Variants in TTC28 observed in about 807,000 individuals in gnomAD.
TTC28 encodes the protein tetratricopeptide repeat domain 28.
TTC28 carries 61 observed loss-of-function variants against 198.0 expected under a neutral mutation model. The ratio of observed to expected loss-of-function variants is 0.31; its 90% CI spans 0.25 to 0.38. TTC28 has a LOEUF of 0.38. TTC28 is among the 10% of genes least tolerant of loss of function. The pLI, the probability that TTC28 is intolerant of heterozygous loss-of-function variation, is 1.00. For synonymous variants in TTC28, 1,171 were observed against 1,297.8 expected, an observed-to-expected ratio of 0.90 and a Z score of 2.10; for missense variants, 2,678 against 3,164.0, an observed-to-expected ratio of 0.85 and a Z score of 3.69.
chr22:28,405,435 G>A (rs2046985124), intron 2 of TTC28, among the ~76,000 whole-genome samples: 1 of 152,182 alleles, frequency 6.6e-6, no homozygotes, highest in Non-Finnish European at 1.5e-5. Flanking sequence ...ATTTATAAAT[G>A]TGCATATACA....
chr22:28,452,487 A>G (rs956214284), intron 2 of TTC28, among the ~76,000 whole-genome samples: 2 of 151,088 alleles, frequency 1.3e-5, no homozygotes, highest in Non-Finnish European at 2.9e-5. Flanking sequence ...ATCCTCGAGG[A>G]GAAAACAGAT....
chr22:28,334,296 G>C (rs1389021277), intron 2 of TTC28, among the ~76,000 whole-genome samples: 1 of 151,972 alleles, frequency 6.6e-6, no homozygotes, highest in Non-Finnish European at 1.5e-5. Flanking sequence ...ATTGTGAATA[G>C]TGCCACAATA....
intron 2 of TTC28, among the ~76,000 whole-genome samples, chr22:28,311,630 C>T (rs1465856259): frequency 6.6e-6 from 1 of 152,018 alleles, no homozygotes; most frequent in African/African-American, 2.4e-5. Context: ...TATCCATCAC[C>T]ACAAGCATTT....
rs8137858 is a variant in TTC28, at chr22:28,154,524, C to T, written c.1441+8568G>A. On this transcript the variant is annotated intron_variant, in intron 6 of 22. Transcript: ENST00000397906. ...TGCCGCCACGCCCAGCTAATTTTTT[C>T]TTTTTATATTTTTAGTAGAGACGGG... is the stretch of plus-strand genomic sequence containing the variant. Among the ~76,000 whole-genome samples, 4 of 151,712 alleles carry T rather than the reference C, an allele frequency of 2.6e-5. No homozygotes were observed. The South Asian group carries it at 8.3e-4, about 32-fold the overall frequency.
intron 11 of TTC28, among the ~76,000 whole-genome samples, chr22:28,095,930 C>A (rs1462662343): frequency 6.6e-6 from 1 of 152,218 alleles, no homozygotes; most frequent in East Asian, 1.9e-4. Context: ...GAAATTAATT[C>A]TTCTGCTTTT....
intron 5 of TTC28, among the ~76,000 whole-genome samples, chr22:28,280,026 T>C (rs1223992847): frequency 6.6e-6 from 1 of 152,226 alleles, no homozygotes; most frequent in East Asian, 1.9e-4. Flanking sequence ...GATTTTGCTA[T>C]TATGAGTAAA....
intron 2 of TTC28, among the ~76,000 whole-genome samples, chr22:28,450,604 C>T (rs2047765094): frequency 6.6e-6 from 1 of 152,276 alleles, no homozygotes; most frequent in South Asian, 2.1e-4. Flanking sequence ...TTTTACTACG[C>T]TAACTCTGAA....
chr22:28,627,232 G>A (rs1368873907), intron 2 of TTC28, among the ~76,000 whole-genome samples: 1 of 151,980 alleles, frequency 6.6e-6, no homozygotes, highest in Non-Finnish European at 1.5e-5. Flanking sequence ...CTATGTACAA[G>A]TTAAAAATTA....
chr22:28,422,401 T>C (rs1423815788), intron 2 of TTC28, among the ~76,000 whole-genome samples: 1 of 152,166 alleles, frequency 6.6e-6, no homozygotes, highest in East Asian at 1.9e-4. Flanking sequence ...CTCTAAATTC[T>C]ACACAGTCTT....
intron 17 of TTC28, among the ~76,000 whole-genome samples, 154 bp downstream of exon 17, chr22:27,995,981 C>G (rs560310013): frequency 6.6e-6 from 1 of 152,182 alleles, no homozygotes; most frequent in East Asian, 1.9e-4. Context: ...ATCCCAGGGA[C>G]GTCTGTGGAA....
chr22:28,066,456 G>C (rs1940758563), intron 12 of TTC28, among the ~76,000 whole-genome samples: 1 of 152,078 alleles, frequency 6.6e-6, no homozygotes, highest in African/African-American at 2.4e-5. Context: ...ATAACTGAAA[G>C]TCTATATCCT....
intron 2 of TTC28, among the ~76,000 whole-genome samples, chr22:28,509,255 T>C (rs186932939): frequency 1.1e-3 from 168 of 151,734 alleles, no homozygotes; most frequent in African/African-American, 3.8e-3. Flanking sequence ...CCCATCACCA[T>C]ATTGCACTTA....
intron 2 of TTC28, among the ~76,000 whole-genome samples, chr22:28,590,044 A>AAAAAAAAAAAAAC (rs2050397448): frequency 1.2e-5 from 1 of 80,530 alleles, no homozygotes; most frequent in Non-Finnish European, 3.8e-5. Context: ...CAAAAAAAAA[A>AAAAAAAAAAAAAC]AAAAAAAAAA....
At chr22:28,622,248 A>T (rs563347449) in intron 2 of TTC28, among the ~76,000 whole-genome samples, 1 of 152,282 alleles carries the variant, frequency 6.6e-6, no homozygotes, top group South Asian at 2.1e-4. Context: ...GCCAAGGGGG[A>T]AGGGGATTCC....
intron 2 of TTC28, among the ~76,000 whole-genome samples, chr22:28,418,557 G>A (rs2047199583): frequency 6.6e-6 from 1 of 152,166 alleles, no homozygotes; most frequent in Admixed American, 6.5e-5. Flanking sequence ...CAAAGAACCT[G>A]CAGGGCTTTT....
intron 12 of TTC28, among the ~76,000 whole-genome samples, chr22:28,055,043 A>G (rs1043153476): frequency 6.6e-6 from 1 of 152,204 alleles, no homozygotes; most frequent in African/African-American, 2.4e-5. Flanking sequence ...ATCTGTTTGG[A>G]TAAGTTCAGC....
intron 3 of TTC28, among the ~76,000 whole-genome samples, chr22:28,301,766 G>A (rs1160059559): frequency 6.6e-6 from 1 of 152,106 alleles, no homozygotes. Context: ...AAAATAATGA[G>A]GCCAGGCATG....
In TTC28 at chr22:28,262,004, C is replaced by G. The variant is rs576966488; in HGVS notation, c.933+34194G>C. On this transcript the variant is annotated intron_variant, in intron 5 of 22. Transcript: ENST00000397906. The stretch of plus-strand genomic sequence containing the variant: ...GACTCCTAACTAAACTGACATTATA[C>G]AGGGCCAACAAAGTTTGTTATGAAA... Among the ~76,000 whole-genome samples the G allele has an allele frequency of 1.3e-3, 193 of 152,260 alleles. 1 individual carries two copies. The highest frequency in any genetic ancestry group is 3.4e-3 in the African/African-American group (142 of 41,564).
intron 2 of TTC28, among the ~76,000 whole-genome samples, chr22:28,329,838 AAC>A (rs1359522564): frequency 6.6e-6 from 1 of 152,204 alleles, no homozygotes; most frequent in Non-Finnish European, 1.5e-5. Flanking sequence ...GACAAATTGA[AAC>A]AGTTTCTTTC....
Sources: gnomAD v4.1 joint callset for allele counts (sites outside exome capture counted in the v4.1 genomes callset) on GRCh38, gnomAD v4.1.1 for gene constraint, MANE v1.5 for transcripts, NCBI Gene and HGNC (gene_info 2026-07-23, HGNC 2026-07-21) for gene names.